Variants in UPF1 observed in about 807,000 individuals in gnomAD.
The protein encoded by UPF1 is UPF1 RNA helicase and ATPase.
Under a neutral mutation model 129.2 loss-of-function variants are expected in UPF1, and 9 were observed. That is an observed-to-expected ratio of 0.07 (90% CI 0.04 to 0.12). UPF1 has a LOEUF of 0.12. Among genes scored for constraint, UPF1 ranks in the 10% least tolerant of loss-of-function variants. UPF1 has a pLI of 1.00. For synonymous variants in UPF1, 649 were observed against 644.9 expected (o/e 1.01, Z -0.10); for missense variants, 788 against 1,525.3 (o/e 0.52, Z 8.05).
chr19:18,864,352 C>A, intron 20 of UPF1, 101 bp downstream of exon 20: 1 of 1,128,390 alleles, frequency 8.9e-7, no homozygotes, highest in South Asian at 1.4e-5. Context: ...CTTTCCTTCC[C>A]CTCAAGGGCG....
chr19:18,852,235 A>G lies in UPF1; in HGVS notation c.911A>G (p.Asn304Ser). 6.2e-7 allele frequency: 1 copy of G among 1,613,738 alleles called. No individual in the cohort carries two copies. The highest frequency in any genetic ancestry group is 8.5e-7 in the Non-Finnish European group (1 of 1,179,806). The change falls in exon 6 of 24, where the codon AAC becomes AGC. Residue 304 changes from asparagine (N) to serine (S), a missense_variant. By Grantham distance (46) the Asn-to-Ser change is conservative. Transcript: ENST00000262803. Reference sequence around the variant, plus strand: ...TACGAGGACGCCTACCAGTACCAGAACATATTCGGGCCCCTGGTCAAGCTG... The same window carrying G: ...TACGAGGACGCCTACCAGTACCAGAGCATATTCGGGCCCCTGGTCAAGCTG... ...LRYEDAYQYQNIFGPLVKLEA... is the reference protein window; with the variant it reads ...LRYEDAYQYQSIFGPLVKLEA...
rs2055437512 is a variant in UPF1, at chr19:18,832,428, G to T, written c.219G>T (p.Gln73His). 16 of 996,482 alleles carry T rather than the reference G, an allele frequency of 1.6e-5. No homozygotes were observed. In the South Asian group the frequency reaches 6.3e-4, roughly 39 times the overall value. The allele number at this position is 996,482 out of a possible 1,614,324, so 61.7% of individuals were successfully genotyped here. Reference sequence around the variant, plus strand: ...CGGGCGCGGGCGCTGCGGCGGGACAGCTCGACGCGCAGGTGAGCGGCACAT... The same window carrying T: ...CGGGCGCGGGCGCTGCGGCGGGACATCTCGACGCGCAGGTGAGCGGCACAT... ...GGAGAGAAAG[Q>H]LDAQVGPEGI... Residue 73 changes from glutamine to histidine, a missense_variant, in exon 1 of 24, where the codon CAG (glutamine) becomes CAT (histidine). Gln to His is a conservative substitution (Grantham distance 24, BLOSUM62 0). Around this residue, in one of 6 missense-constraint regions of UPF1, gnomAD observed 112 missense variants for 128.2 expected, o/e 0.87. Transcript: ENST00000262803. The surrounding 1 kb of genome is among the most constrained non-coding windows in gnomAD (Gnocchi z 5.6).
chr19:18,860,551 C>G (rs2055767061), intron 16 of UPF1, 113 bp downstream of exon 16: 1 of 1,040,326 alleles, frequency 9.6e-7, no homozygotes, highest in Non-Finnish European at 1.4e-6. Context: ...GCCTTCATTT[C>G]CTGTTTAGCC....
At chr19:18,863,951 G>A (rs1324120993) in intron 19 of UPF1, among the ~76,000 whole-genome samples, 3 of 152,072 alleles carry the variant, frequency 2.0e-5, no homozygotes, top group Non-Finnish European at 2.9e-5. Flanking sequence ...TTCCTGAGCT[G>A]AGGCCCAAGG....
chr19:18,866,156 A>G lies in UPF1; in HGVS notation c.3350A>G (p.Gln1117Arg). The change falls in exon 23 of 24, where the codon CAG (glutamine) becomes CGG (arginine). Residue 1117 changes from glutamine to arginine, a missense_variant. Physicochemically the swap from Gln to Arg is conservative, Grantham distance 43 (BLOSUM62 1). This residue lies in a region of UPF1 where 218 missense variants were observed against 318.1 expected (regional missense o/e 0.69). Transcript: ENST00000262803. ...CATGGCGGGGTGACGGGGCTGTCCC[A>G]GTATTAAAAGGCAAGCCCCCCTGGA... Reference protein sequence around the residue: ...YQHGGVTGLSQY With the variant: ...YQHGGVTGLSRY The G allele has an allele frequency of 6.2e-7, 1 of 1,600,880 alleles. No individual in the cohort carries two copies. Among genetic ancestry groups the G allele is most frequent in the Non-Finnish European group, 8.5e-7 (1 of 1,173,704 alleles).
At chr19:18,834,080 A>C (rs752270814) in intron 1 of UPF1, among the ~76,000 whole-genome samples, 13 of 152,148 alleles carry the variant, frequency 8.5e-5, no homozygotes, top group Non-Finnish European at 1.3e-4. Flanking sequence ...ACCTCCTTGT[A>C]GTTTTCATGC....
chr19:18,864,981 C>T (rs2055826151), intron 20 of UPF1, among the ~76,000 whole-genome samples: 1 of 152,146 alleles, frequency 6.6e-6, no homozygotes, highest in Admixed American at 6.5e-5. Flanking sequence ...TCAGGTGGTC[C>T]ACCTCGGCTT....
intron 1 of UPF1, among the ~76,000 whole-genome samples, chr19:18,842,373 G>A (rs1438261738): frequency 6.6e-6 from 1 of 152,162 alleles, no homozygotes; most frequent in African/African-American, 2.4e-5. Flanking sequence ...GTGGGGATGT[G>A]GAGAAAGCCC....
In UPF1 at chr19:18,860,878, G is replaced by T; in HGVS notation, c.2353G>T (p.Ala785Ser). The stretch of plus-strand genomic sequence containing the variant: ...CACCACGAAGTTGCTGAAGGCAGGC[G>T]CCAAGCCGGACCAGATTGGCATCAT... ...KITTKLLKAG[A>S]KPDQIGIITP... The change falls in exon 17 of 24, where the codon GCC becomes TCC. Residue 785 changes from alanine to serine, a missense_variant. Transcript: ENST00000262803. 6.2e-7 allele frequency: 1 copy of T among 1,610,282 alleles called. No homozygotes were observed.
Position 18,856,054 on chromosome 19 carries a change from T to C in UPF1, c.1674T>C (p.Phe558=), listed in dbSNP as rs1481693983. 1 of 1,614,000 alleles carries C rather than the reference T, an allele frequency of 6.2e-7. No individual in the cohort carries two copies. The highest frequency in any genetic ancestry group is 1.7e-5 in the Admixed American group (1 of 60,016). The part of the protein sequence containing the change: ...SREAIDSPVS[F]LALHNQIRNM... ...AGGCCATCGACTCCCCGGTGTCTTT[T>C]CTGGCCCTGCACAACCAGATCAGGA... The change falls in exon 12 of 24, where the codon TTT becomes TTC. Residue 558 remains phenylalanine, a synonymous_variant. Transcript: ENST00000262803.
intron 3 of UPF1, 32 bp downstream of exon 3, chr19:18,847,865 TCAGTG>T: frequency 6.3e-7 from 1 of 1,599,192 alleles, no homozygotes; most frequent in Non-Finnish European, 8.6e-7. Context: ...GTGTGTTTAA[TCAGTG>T]CTGTGCTCAG....
intron 13 of UPF1, among the ~76,000 whole-genome samples, 177 bp from the exon 14 acceptor site, chr19:18,856,700 A>G (rs945829151): frequency 6.6e-6 from 1 of 152,146 alleles, no homozygotes; most frequent in African/African-American, 2.4e-5. Flanking sequence ...AAGGATCTTA[A>G]AAGTTTGTAA....
chr19:18,863,604 A>C lies in UPF1; in HGVS notation c.2767A>C (p.Ile923Leu). The C allele has an allele frequency of 6.2e-7, 1 of 1,613,258 alleles. No homozygotes were observed. ...FSKPRKLVNTINPGARFMTTA... is the reference protein window; with the variant it reads ...FSKPRKLVNTLNPGARFMTTA... ...CAAGCCACGGAAGCTGGTCAACACTATCAACCCGGTGAGCGCCTGCACAGG... is the reference window on the plus strand; with the variant it reads ...CAAGCCACGGAAGCTGGTCAACACTCTCAACCCGGTGAGCGCCTGCACAGG... Residue 923 changes from isoleucine to leucine, a missense_variant, in exon 19 of 24, where the codon ATC becomes CTC. By Grantham distance (5) the Ile-to-Leu change is conservative. Transcript: ENST00000262803.
At position 18,832,668 on chromosome 19, in the gene UPF1, C is replaced by T. The variant is rs1219891639; in HGVS notation, c.231+228C>T. Among the ~76,000 whole-genome samples the T allele has an allele frequency of 1.3e-5, 2 of 152,198 alleles. No homozygotes were observed. ...ATCTGCCCCGGGTCCCCCGCTCCGG[C>T]CGCGACCTGGCTGAGTTCCTTCGGC... On this transcript the variant is annotated intron_variant, in intron 1 of 23. Coordinates refer to ENST00000262803, the MANE Select transcript of UPF1 (RefSeq NM_002911.4). This position sits in a 1 kb window ranked among gnomAD's most constrained non-coding sequence, Gnocchi z 5.6.
At chr19:18,840,470 C>A (rs1338107205) in intron 1 of UPF1, among the ~76,000 whole-genome samples, 4 of 152,118 alleles carry the variant, frequency 2.6e-5, no homozygotes, top group Non-Finnish European at 5.9e-5. Context: ...TGCAAGGAAG[C>A]TAAAGGGCAC....
chr19:18,855,627 T>G (rs1374095534), intron 11 of UPF1: 3 of 499,706 alleles, frequency 6.0e-6, no homozygotes, highest in Non-Finnish European at 7.1e-6. Context: ...CATTACTGCC[T>G]GTTAAAAATG....
At chr19:18,836,955 T>C (rs1041618745) in intron 1 of UPF1, among the ~76,000 whole-genome samples, 1 of 151,426 alleles carries the variant, frequency 6.6e-6, no homozygotes, top group Non-Finnish European at 1.5e-5. Context: ...GGTTTCACCA[T>C]GTTAGTCAGG....
chr19:18,847,933 C>G lies in UPF1; in HGVS notation c.461+100C>G, dbSNP rs2055618083. On this transcript the variant is annotated intron_variant, in intron 3 of 23. Transcript: ENST00000262803. ...AAGCAAAGCGTAATATAAAATCACG[C>G]TAACAAACCTGGGTTTTTTCCTCCT... 3 of 1,330,834 alleles carry G rather than the reference C, an allele frequency of 2.3e-6. No individual in the cohort carries two copies. In the South Asian group the frequency reaches 3.8e-5, roughly 17 times the overall value. The allele number at this position is 1,330,834 out of a possible 1,614,324, so 82.4% of individuals were successfully genotyped here.
chr19:18,850,318 AG>A lies in UPF1; in HGVS notation c.629+77del, dbSNP rs2055644514. On this transcript the variant is annotated intron_variant, in intron 4 of 23. Coordinates refer to ENST00000262803, the MANE Select transcript of UPF1 (RefSeq NM_002911.4). The surrounding 1 kb of genome is among the most constrained non-coding windows in gnomAD (Gnocchi z 7.1). ...CTCCTCACAAGCCTTGGCCCAGCCC[AG>A]CCCAGCCGTGGCTCTAACTCCAGGG... is the stretch of plus-strand genomic sequence containing the variant. 4 of 1,502,182 alleles carry A rather than the reference AG, an allele frequency of 2.7e-6. No individual in the cohort carries two copies. Among genetic ancestry groups the A allele is most frequent in the Non-Finnish European group, 1.8e-6 (2 of 1,127,162 alleles). 93.1% of individuals were successfully genotyped at this position (1,502,182 alleles called of 1,614,324 possible). A position where few individuals can be genotyped will look rare whatever the true frequency, so the allele number is the denominator to read the frequency against.
Sources: gnomAD v4.1 joint callset for allele counts (sites outside exome capture counted in the v4.1 genomes callset) on GRCh38, gnomAD v4.1.1 for gene constraint, gnomAD v4.1.1 regional missense constraint, Gnocchi (gnomAD v3.1) non-coding constraint, MANE v1.5 for transcripts, NCBI Gene and HGNC (gene_info 2026-07-23, HGNC 2026-07-21) for gene names.